DRC11: variants seen among roughly 807,000 people sequenced by gnomAD.
DRC11 encodes dynein regulatory complex subunit 11.
At chr2:236,467,696 A>G in the DRC11 span, among the ~76,000 whole-genome samples, 6 of 152,242 alleles carry the variant, frequency 3.9e-5, no homozygotes, top group Non-Finnish European at 8.8e-5. Flanking sequence ...GAACAACATT[A>G]AAGTCCATTT....
the DRC11 span, among the ~76,000 whole-genome samples, chr2:236,322,750 G>A: frequency 2.6e-5 from 4 of 152,246 alleles, no homozygotes; most frequent in South Asian, 2.1e-4. Context: ...TTACTCTAAC[G>A]CCGTCCTGCC....
the DRC11 span, among the ~76,000 whole-genome samples, chr2:236,459,189 T>C: frequency 6.6e-6 from 1 of 152,108 alleles, no homozygotes; most frequent in Non-Finnish European, 1.5e-5. Flanking sequence ...AGCCCATAAA[T>C]GACTGGGCAT....
the DRC11 span, among the ~76,000 whole-genome samples, chr2:236,348,557 A>AG: frequency 6.6e-6 from 1 of 151,956 alleles, no homozygotes; most frequent in Non-Finnish European, 1.5e-5. This position sits in a 1 kb window ranked among gnomAD's most constrained non-coding sequence, Gnocchi z 7.4. Context: ...GTAAGTGAGG[A>AG]GGGGGCGGAG....
the DRC11 span, among the ~76,000 whole-genome samples, chr2:236,505,971 C>G: frequency 6.6e-6 from 1 of 152,168 alleles, no homozygotes; most frequent in African/African-American, 2.4e-5. Context: ...TATAGTTTCT[C>G]TCCCCCTACA....
At chr2:236,380,432 T>TA in the DRC11 span, 1 of 673,794 alleles carries the variant, frequency 1.5e-6, no homozygotes, top group Non-Finnish European at 2.6e-6. This position sits in a 1 kb window ranked among gnomAD's most constrained non-coding sequence, Gnocchi z 4.9. Context: ...TGTAGGGACT[T>TA]AGAGGTGGCT....
chr2:236,466,738 G>A, the DRC11 span, among the ~76,000 whole-genome samples: 1 of 152,118 alleles, frequency 6.6e-6, no homozygotes, highest in African/African-American at 2.4e-5. Context: ...TGAGAGATCT[G>A]CCCCCAAGAT....
chr2:236,404,364 C>T, the DRC11 span, among the ~76,000 whole-genome samples: 1 of 152,106 alleles, frequency 6.6e-6, no homozygotes, highest in African/African-American at 2.4e-5. Flanking sequence ...TGAAGTTGTC[C>T]TTCCATCAGC....
the DRC11 span, among the ~76,000 whole-genome samples, chr2:236,372,983 G>A: frequency 6.6e-6 from 1 of 151,822 alleles, no homozygotes; most frequent in Non-Finnish European, 1.5e-5. This position sits in a 1 kb window ranked among gnomAD's most constrained non-coding sequence, Gnocchi z 4.5. Context: ...TCTGTATGTT[G>A]GATTTTCTTT....
At chr2:236,332,000 CT>C in the DRC11 span, 38 of 164,188 alleles carry the variant, frequency 2.3e-4, no homozygotes, top group South Asian at 6.9e-4. The surrounding 1 kb of genome is among the most constrained non-coding windows in gnomAD (Gnocchi z 4.8). Flanking sequence ...AGTAGTTTAA[CT>C]TTTTTTTTAG....
chr2:236,407,578 C>CTA, the DRC11 span, among the ~76,000 whole-genome samples: 2 of 152,114 alleles, frequency 1.3e-5, no homozygotes, highest in Non-Finnish European at 2.9e-5. Flanking sequence ...CAGAAGATAT[C>CTA]TATATATACA....
chr2:236,447,874 A>G, the DRC11 span, among the ~76,000 whole-genome samples: 1 of 124,448 alleles, frequency 8.0e-6, no homozygotes, highest in Non-Finnish European at 1.6e-5. The surrounding 1 kb of genome is among the most constrained non-coding windows in gnomAD (Gnocchi z 4.6). Flanking sequence ...AGCAAATGAA[A>G]GCTGGCCAGG....
At chr2:236,464,024 G>A in the DRC11 span, among the ~76,000 whole-genome samples, 1 of 152,206 alleles carries the variant, frequency 6.6e-6, no homozygotes, top group Non-Finnish European at 1.5e-5. Flanking sequence ...TGCCTTGTGG[G>A]CCTCTCCACT....
At chr2:236,423,272 G>A in the DRC11 span, among the ~76,000 whole-genome samples, 76 of 151,696 alleles carry the variant, frequency 5.0e-4, no homozygotes, top group African/African-American at 1.7e-3. Flanking sequence ...GCAACCTACA[G>A]AATGGGAGAA....
At chr2:236,329,922 C>A in the DRC11 span, among the ~76,000 whole-genome samples, 1 of 152,262 alleles carries the variant, frequency 6.6e-6, no homozygotes, top group East Asian at 1.9e-4. Flanking sequence ...AGACCTCAAG[C>A]ACCTATAGAT....
the DRC11 span, among the ~76,000 whole-genome samples, chr2:236,349,050 A>G: frequency 1.3e-5 from 2 of 152,046 alleles, no homozygotes; most frequent in Admixed American, 1.3e-4. This position sits in a 1 kb window ranked among gnomAD's most constrained non-coding sequence, Gnocchi z 5.5. Flanking sequence ...GCTCCTACCC[A>G]AGCCAGAGGC....
At chr2:236,350,477 C>T in the DRC11 span, among the ~76,000 whole-genome samples, 1 of 152,252 alleles carries the variant, frequency 6.6e-6, no homozygotes, top group Non-Finnish European at 1.5e-5. The surrounding 1 kb of genome is among the most constrained non-coding windows in gnomAD (Gnocchi z 5.2). Flanking sequence ...GCAAAGTGCT[C>T]TGGCGTCCAG....
At chr2:236,324,619 C>T in the DRC11 span, 1 of 922,290 alleles carries the variant, frequency 1.1e-6, no homozygotes, top group East Asian at 2.7e-5. This position sits in a 1 kb window ranked among gnomAD's most constrained non-coding sequence, Gnocchi z 5.7. Flanking sequence ...TCCTCTCCAT[C>T]CCAGAGAGAC....
chr2:236,474,181 A>G, the DRC11 span, among the ~76,000 whole-genome samples: 2 of 152,170 alleles, frequency 1.3e-5, no homozygotes, highest in Admixed American at 6.5e-5. Flanking sequence ...TACAATTTCA[A>G]TAGAATATGT....
the DRC11 span, among the ~76,000 whole-genome samples, chr2:236,365,137 G>A: frequency 6.6e-6 from 1 of 152,068 alleles, no homozygotes; most frequent in African/African-American, 2.4e-5. The surrounding 1 kb of genome is among the most constrained non-coding windows in gnomAD (Gnocchi z 7.4). Flanking sequence ...CTAGTGTGGG[G>A]GTCCGTGGGA....
Sources: gnomAD v4.1 joint callset for allele counts (sites outside exome capture counted in the v4.1 genomes callset) on GRCh38, gnomAD v4.1.1 for gene constraint, Gnocchi (gnomAD v3.1) non-coding constraint, MANE v1.5 for transcripts, NCBI Gene and HGNC (gene_info 2026-07-23, HGNC 2026-07-21) for gene names.